The following STX6 variants were observed in gnomAD, a reference collection of about 807,000 sequenced individuals.
The protein encoded by STX6 is syntaxin 6.
STX6 carries 23 observed loss-of-function variants against 38.0 expected under a neutral mutation model. That is an observed-to-expected ratio of 0.60 (90% CI 0.43 to 0.86). The LOEUF (loss-of-function observed/expected upper bound fraction) is 0.86. Among genes scored for constraint, STX6 ranks in the 40% least tolerant of loss-of-function variants. The pLI is 0.00. For synonymous variants in STX6, 123 were observed against 107.5 expected, an observed-to-expected ratio of 1.14 and a Z score of -0.89; for missense variants, 274 against 312.9, an observed-to-expected ratio of 0.88 and a Z score of 0.94.
Position 180,988,336 on chromosome 1 carries a change from C to A in STX6, c.499G>T (p.Glu167Ter), listed in dbSNP as rs1163431442. Residue 167 changes from glutamate to a stop codon, truncating the protein, a stop_gained, in exon 6 of 8, where the codon GAA (glutamate) becomes TAA (stop). Coordinates refer to ENST00000258301, the MANE Select transcript of STX6 (RefSeq NM_005819.6). LOFTEE classifies it high-confidence loss of function. ...EQQAQQQLIVEQQDEQLELVS... is the reference protein window; with the variant it reads ...EQQAQQQLIV ...AGCTCCAACTGCTCATCCTGCTGTT[C>A]CACGATCAACTGGTGCCAGAGAAAT... 6.2e-7 allele frequency: 1 copy of A among 1,613,364 alleles called. No homozygotes were observed. The highest frequency in any genetic ancestry group is 8.5e-7 in the Non-Finnish European group (1 of 1,179,500).
intron 2 of STX6, among the ~76,000 whole-genome samples, 171 bp from the exon 3 acceptor site, chr1:181,002,871 G>A (rs1350914118): frequency 6.6e-6 from 1 of 152,200 alleles, no homozygotes; most frequent in Non-Finnish European, 1.5e-5. Context: ...AGCCACAGGA[G>A]GGAGGATCCC....
intron 5 of STX6, chr1:180,988,627 G>C (rs1655660199): frequency 3.1e-6 from 1 of 319,532 alleles, no homozygotes; most frequent in African/African-American, 2.2e-5. Flanking sequence ...TCCAATAATG[G>C]AGCAGACAAT....
chr1:181,003,180 G>A (rs1041087633), intron 2 of STX6, among the ~76,000 whole-genome samples: 4 of 152,130 alleles, frequency 2.6e-5, no homozygotes, highest in African/African-American at 9.7e-5. Flanking sequence ...CCTCTAGCCT[G>A]GTCCGACGCA....
chr1:181,005,055 T>G (rs139858588), intron 2 of STX6, among the ~76,000 whole-genome samples: 1 of 151,688 alleles, frequency 6.6e-6, no homozygotes, highest in Non-Finnish European at 1.5e-5. Context: ...CATTACACTA[T>G]GCTGCCTTTA....
chr1:180,995,217 G>A (rs371988367), intron 3 of STX6, among the ~76,000 whole-genome samples: 4 of 152,062 alleles, frequency 2.6e-5, no homozygotes, highest in Admixed American at 6.6e-5. Context: ...CACCTCGGCC[G>A]CCCAAAGTGC....
chr1:180,993,010 A>G (rs986091794), intron 4 of STX6, among the ~76,000 whole-genome samples: 8 of 152,224 alleles, frequency 5.3e-5, no homozygotes, highest in Admixed American at 2.0e-4. Context: ...AGAGAAAGAC[A>G]GTAATTATAG....
At chr1:180,980,327 T>C (rs1571323915) in intron 7 of STX6, among the ~76,000 whole-genome samples, 1 of 102,450 alleles carries the variant, frequency 9.8e-6, no homozygotes, top group Admixed American at 1.1e-4. Context: ...CCTATTAGAA[T>C]GGTCAAAACC....
intron 3 of STX6, among the ~76,000 whole-genome samples, chr1:180,996,720 G>A (rs1015055444): frequency 2.0e-5 from 3 of 152,090 alleles, no homozygotes; most frequent in East Asian, 1.9e-4. Context: ...CTACAGGCAC[G>A]TGCCACCATG....
Position 180,974,074 on chromosome 1 carries a change from A to T in STX6, c.*2496T>A, listed in dbSNP as rs570590740. ...CTGGGTTCCCTCTAAAGCCCTGAAC[A>T]TTAGGACCACTGAGGAGGAAATATT... On this transcript the variant is annotated 3_prime_UTR_variant, in exon 8 of 8. Transcript: ENST00000258301. The T allele has an allele frequency of 1.3e-5, 2 of 152,374 alleles. No individual in the cohort carries two copies. Among genetic ancestry groups the T allele is most frequent in the Admixed American group, 1.3e-4 (2 of 15,310 alleles). 9.4% of individuals were successfully genotyped at this position (152,374 alleles called of 1,614,324 possible).
At chr1:181,007,087 T>C (rs1235525293) in intron 1 of STX6, among the ~76,000 whole-genome samples, 1 of 152,208 alleles carries the variant, frequency 6.6e-6, no homozygotes, top group Non-Finnish European at 1.5e-5. Flanking sequence ...AAGAGCTATG[T>C]ATCATTCCTT....
At position 180,976,255 on chromosome 1, in the gene STX6, G is replaced by C; in HGVS notation, c.*315C>G. On this transcript the variant is annotated 3_prime_UTR_variant, in exon 8 of 8. Transcript: ENST00000258301. ...CAACAGCAAAACACCAGTGGAGTCTGTAAGTCCCTCCTCAGCAAACGAGGT... is the reference window on the plus strand; with the variant it reads ...CAACAGCAAAACACCAGTGGAGTCTCTAAGTCCCTCCTCAGCAAACGAGGT... The C allele has an allele frequency of 2.9e-6, 1 of 349,990 alleles. No homozygotes were observed. 21.7% of individuals were successfully genotyped at this position (349,990 alleles called of 1,614,324 possible).
At chr1:181,014,289 A>G (rs1656492986) in intron 1 of STX6, among the ~76,000 whole-genome samples, 2 of 151,782 alleles carry the variant, frequency 1.3e-5, no homozygotes, top group African/African-American at 4.8e-5. Context: ...AGCTACTCAG[A>G]AGGCTGAGGC....
At position 180,976,695 on chromosome 1, in the gene STX6, C is replaced by T; in HGVS notation, c.692-49G>A. On this transcript the variant is annotated intron_variant, in intron 7 of 7. Transcript: ENST00000258301. Reference sequence around the variant, plus strand: ...AGCTCTCACAGGGACTCCACATTCCCCAAGATACAGTTATATGGAATTTAT... The same window carrying T: ...AGCTCTCACAGGGACTCCACATTCCTCAAGATACAGTTATATGGAATTTAT... 3.2e-6 allele frequency: 5 copies of T among 1,549,614 alleles called. No individual in the cohort carries two copies. In the South Asian group the frequency reaches 5.6e-5, roughly 17 times the overall value.
chr1:181,006,226 C>A (rs537511431), intron 1 of STX6, among the ~76,000 whole-genome samples: 2 of 151,920 alleles, frequency 1.3e-5, no homozygotes, highest in African/African-American at 4.8e-5. Flanking sequence ...CCACGCCTGG[C>A]TAATTTTTGT....
intron 1 of STX6, 39 bp downstream of exon 1, chr1:181,022,600 C>G (rs1309327022): frequency 6.3e-7 from 1 of 1,596,876 alleles, no homozygotes; most frequent in East Asian, 2.3e-5. Flanking sequence ...GGCAGCACCG[C>G]CACCTCTTCC....
intron 1 of STX6, among the ~76,000 whole-genome samples, chr1:181,018,648 C>T (rs181460768): frequency 1.6e-4 from 24 of 152,074 alleles, no homozygotes; most frequent in Non-Finnish European, 2.5e-4. Context: ...GATTCTGTTC[C>T]GAACAGGACA....
chr1:180,984,817 TG>T, intron 6 of STX6, 46 bp from the exon 7 acceptor site: 1 of 902,932 alleles, frequency 1.1e-6, no homozygotes, highest in Non-Finnish European at 1.8e-6. Context: ...CACAAAGCCT[TG>T]GCAGTGCACT....
rs1655814864 is a variant in STX6 at position 180,993,522 on chromosome 1, A to C, written c.301-97T>G. ...TTAGCAAAACACACAATTTATTATT[A>C]CTTTTTAAAAAGAAGACCGCATTTC... is the stretch of plus-strand genomic sequence containing the variant. On this transcript the variant is annotated intron_variant, in intron 3 of 7. Coordinates refer to ENST00000258301, the MANE Select transcript of STX6 (RefSeq NM_005819.6). 1.4e-5 allele frequency: 9 copies of C among 628,166 alleles called. No homozygotes were observed. In the East Asian group the frequency reaches 2.5e-4, roughly 18 times the overall value. 38.9% of individuals were successfully genotyped at this position (628,166 alleles called of 1,614,324 possible).
intron 1 of STX6, among the ~76,000 whole-genome samples, chr1:181,018,388 CAAAAAAAAAAAA>C (rs34962747): frequency 2.3e-5 from 1 of 43,048 alleles, no homozygotes; most frequent in South Asian, 1.1e-3. Context: ...GACTCTGTCC[CAAAAAAAAAAAA>C]AAAAAAAAAA....
Sources: gnomAD v4.1 joint callset for allele counts (sites outside exome capture counted in the v4.1 genomes callset) on GRCh38, gnomAD v4.1.1 for gene constraint, MANE v1.5 for transcripts, NCBI Gene and HGNC (gene_info 2026-07-23, HGNC 2026-07-21) for gene names.